STAT4: variants seen among roughly 807,000 people sequenced by gnomAD.
STAT4 encodes the protein signal transducer and activator of transcription 4.
STAT4 carries 42 observed loss-of-function variants against 110.5 expected under a neutral mutation model. That is an observed-to-expected ratio of 0.38 (90% confidence interval 0.30 to 0.49). The LOEUF (loss-of-function observed/expected upper bound fraction) is 0.49. STAT4 is among the 20% of genes least tolerant of loss of function. STAT4 has a pLI of 0.95. For synonymous variants in STAT4, 284 were observed against 302.2 expected, an observed-to-expected ratio of 0.94 and a Z score of 0.63; for missense variants, 632 against 887.9, an observed-to-expected ratio of 0.71 and a Z score of 3.66.
In STAT4 at chr2:191,135,237, G is replaced by A. The variant is rs181746426; in HGVS notation, c.273+11376C>T. ...AAGGAGACATTACAACTGACATCAC[G>A]AAAATATAAAAGATCATCAGAGACA... On this transcript the variant is annotated intron_variant, in intron 3 of 23. Coordinates refer to ENST00000392320, the MANE Select transcript of STAT4 (RefSeq NM_003151.4). The surrounding 1 kb of genome is among the most constrained non-coding windows in gnomAD (Gnocchi z 4.8). Among the ~76,000 whole-genome samples, 157 of 152,142 alleles carry A rather than the reference G, an allele frequency of 1.0e-3. No individual in the cohort carries two copies. Among genetic ancestry groups the A allele is most frequent in the African/African-American group, 3.4e-3 (141 of 41,524 alleles).
Position 191,086,606 on chromosome 2 carries a change from C to T in STAT4, c.274-10281G>A, listed in dbSNP as rs909643846. 6.6e-6 allele frequency among the ~76,000 whole-genome samples: 1 copy of T among 152,046 alleles called. No individual in the cohort carries two copies. Among genetic ancestry groups the T allele is most frequent in the African/African-American group, 2.4e-5 (1 of 41,396 alleles). ...GATTGGAAAGAGAAAAATTATGTTCCAAAAGAAACTGTAGTATACTTGTTA... is the reference window on the plus strand; with the variant it reads ...GATTGGAAAGAGAAAAATTATGTTCTAAAAGAAACTGTAGTATACTTGTTA... On this transcript the variant is annotated intron_variant, in intron 3 of 23. Coordinates refer to ENST00000392320, the MANE Select transcript of STAT4 (RefSeq NM_003151.4). The surrounding 1 kb of genome is among the most constrained non-coding windows in gnomAD (Gnocchi z 5.5).
rs1696812126 is a variant in STAT4, at chr2:191,060,282, A to C, written c.1034+1447T>G. ...GCATCTTAGACTTACTATATCATCT[A>C]TAGGAGTGTCTCAAGGAAAAGTAGA... On this transcript the variant is annotated intron_variant, in intron 10 of 23. Transcript: ENST00000392320. The surrounding 1 kb of genome is among the most constrained non-coding windows in gnomAD (Gnocchi z 4.5). Among the ~76,000 whole-genome samples the C allele has an allele frequency of 6.6e-6, 1 of 152,194 alleles. No individual in the cohort carries two copies. Among genetic ancestry groups the C allele is most frequent in the South Asian group, 2.1e-4 (1 of 4,836 alleles).
intron 3 of STAT4, among the ~76,000 whole-genome samples, chr2:191,139,608 A>G (rs1406447543): frequency 6.6e-6 from 1 of 152,214 alleles, no homozygotes; most frequent in Admixed American, 6.5e-5. Context: ...CATATATAAC[A>G]TGAACAAATG....
chr2:191,117,414 C>T lies in STAT4; in HGVS notation c.273+29199G>A, dbSNP rs1039968969. Among the ~76,000 whole-genome samples the T allele has an allele frequency of 1.3e-5, 2 of 152,188 alleles. No individual in the cohort carries two copies. The highest frequency in any genetic ancestry group is 1.9e-4 in the East Asian group (1 of 5,196). ...GCATGATTATCTTCCAGAACATCCT[C>T]GGGCATTTCTTCTTGTCCTAAAATA... is the stretch of plus-strand genomic sequence containing the variant. On this transcript the variant is annotated intron_variant, in intron 3 of 23. Coordinates refer to ENST00000392320, the MANE Select transcript of STAT4 (RefSeq NM_003151.4). The surrounding 1 kb of genome is among the most constrained non-coding windows in gnomAD (Gnocchi z 5.2).
chr2:191,069,971 C>T (rs73981223), intron 5 of STAT4, among the ~76,000 whole-genome samples, 200 bp from the exon 6 acceptor site: 233 of 152,310 alleles, frequency 1.5e-3, no homozygotes, highest in African/African-American at 5.4e-3. Flanking sequence ...ACTTGCCCTT[C>T]CAGCTATTCT....
rs73981215 is a variant in STAT4 at position 191,038,164 on chromosome 2, C to T, written c.1434+1035G>A. On this transcript the variant is annotated intron_variant, in intron 16 of 23. Transcript: ENST00000392320. ...GGAAGAAAGCTGAACATGTGTAGATCTAATGGGGATCAGCATTTAATCTCA... is the reference window on the plus strand; with the variant it reads ...GGAAGAAAGCTGAACATGTGTAGATTTAATGGGGATCAGCATTTAATCTCA... 2.0e-5 allele frequency among the ~76,000 whole-genome samples: 3 copies of T among 152,226 alleles called. No homozygotes were observed. In the East Asian group the frequency reaches 5.8e-4, roughly 29 times the overall value.
intron 1 of STAT4, among the ~76,000 whole-genome samples, chr2:191,149,048 A>C (rs541846259): frequency 1.3e-5 from 2 of 152,354 alleles, no homozygotes; most frequent in African/African-American, 4.8e-5. Flanking sequence ...AGCTGTAGAC[A>C]TATTTCCTAA....
In STAT4 at chr2:191,150,693, C is replaced by T. The variant is rs982403476; in HGVS notation, c.-2+254G>A. Among the ~76,000 whole-genome samples, 6 of 152,216 alleles carry T rather than the reference C, an allele frequency of 3.9e-5. No individual in the cohort carries two copies. Among genetic ancestry groups the T allele is most frequent in the Non-Finnish European group, 1.5e-5 (1 of 68,032 alleles). On this transcript the variant is annotated intron_variant, in intron 1 of 23. Coordinates refer to ENST00000392320, the MANE Select transcript of STAT4 (RefSeq NM_003151.4). This position sits in a 1 kb window ranked among gnomAD's most constrained non-coding sequence, Gnocchi z 6.4. ...ACACACCTCCGCAGCCGCCGCAGCTCCCCTGGCCCCCGCAGGGAGATTCGC... is the reference window on the plus strand; with the variant it reads ...ACACACCTCCGCAGCCGCCGCAGCTTCCCTGGCCCCCGCAGGGAGATTCGC...
chr2:191,106,132 T>C (rs1459611125), intron 3 of STAT4, among the ~76,000 whole-genome samples: 1 of 152,288 alleles, frequency 6.6e-6, no homozygotes, highest in Non-Finnish European at 1.5e-5. Flanking sequence ...ATTCCTTCTG[T>C]CTTAATTTTT....
In STAT4 at chr2:191,082,182, T is replaced by C. The variant is rs1371142560; in HGVS notation, c.274-5857A>G. Among the ~76,000 whole-genome samples the C allele has an allele frequency of 3.3e-5, 5 of 152,218 alleles. No homozygotes were observed. Among genetic ancestry groups the C allele is most frequent in the African/African-American group, 1.2e-4 (5 of 41,454 alleles). Reference sequence around the variant, plus strand: ...ACAACTTTATCTACTTGTGAGCATCTTCCTTTCTTACATCCTATAAAGGAT... The same window carrying C: ...ACAACTTTATCTACTTGTGAGCATCCTCCTTTCTTACATCCTATAAAGGAT... On this transcript the variant is annotated intron_variant, in intron 3 of 23. Coordinates refer to ENST00000392320, the MANE Select transcript of STAT4 (RefSeq NM_003151.4). The surrounding 1 kb of genome is among the most constrained non-coding windows in gnomAD (Gnocchi z 4.7).
Position 191,058,698 on chromosome 2 carries a change from T to C in STAT4, c.1094+12A>G. The C allele has an allele frequency of 6.4e-7, 1 of 1,551,854 alleles. No homozygotes were observed. The highest frequency in any genetic ancestry group is 8.8e-7 in the Non-Finnish European group (1 of 1,141,230). ...TTGGAATTGTAATTCAAAACGAAATTAGAAAACTTACTTGTCAATTGATGC... is the reference window on the plus strand; with the variant it reads ...TTGGAATTGTAATTCAAAACGAAATCAGAAAACTTACTTGTCAATTGATGC... On this transcript the variant is annotated intron_variant, in intron 11 of 23. Transcript: ENST00000392320. The surrounding 1 kb of genome is among the most constrained non-coding windows in gnomAD (Gnocchi z 4.3).
chr2:191,083,586 G>A lies in STAT4; in HGVS notation c.274-7261C>T, dbSNP rs995584901. On this transcript the variant is annotated intron_variant, in intron 3 of 23. Coordinates refer to ENST00000392320, the MANE Select transcript of STAT4 (RefSeq NM_003151.4). This position sits in a 1 kb window ranked among gnomAD's most constrained non-coding sequence, Gnocchi z 4.6. The stretch of plus-strand genomic sequence containing the variant: ...TCTCAAATGTAGATATTTATTCTTT[G>A]TGGTATCTCTGGGATATGAAGCATT... Among the ~76,000 whole-genome samples, 2 of 152,078 alleles carry A rather than the reference G, an allele frequency of 1.3e-5. No homozygotes were observed. The highest frequency in any genetic ancestry group is 4.8e-5 in the African/African-American group (2 of 41,386).
chr2:191,108,097 C>T (rs1004278971), intron 3 of STAT4, among the ~76,000 whole-genome samples: 59 of 151,978 alleles, frequency 3.9e-4, no homozygotes, highest in Non-Finnish European at 5.9e-5. Flanking sequence ...TCAAGACCAG[C>T]CAGGTCAACA....
chr2:191,130,051 TGA>T lies in STAT4; in HGVS notation c.273+16560_273+16561del, dbSNP rs1291364110. 5.4e-4 allele frequency among the ~76,000 whole-genome samples: 82 copies of T among 152,184 alleles called. 1 individual carries two copies. The highest frequency in any genetic ancestry group is 5.4e-3 in the Admixed American group (82 of 15,282). On this transcript the variant is annotated intron_variant, in intron 3 of 23. Coordinates refer to ENST00000392320, the MANE Select transcript of STAT4 (RefSeq NM_003151.4). ...TAATTTCATTTAGGAATTCCTTCCTTGAAGGTATCTTTGAGGTGAAGTTTCAA... is the reference window on the plus strand; with the variant it reads ...TAATTTCATTTAGGAATTCCTTCCTTAGGTATCTTTGAGGTGAAGTTTCAA...
intron 8 of STAT4, among the ~76,000 whole-genome samples, chr2:191,063,475 T>C (rs936953039): frequency 1.3e-5 from 2 of 152,186 alleles, no homozygotes; most frequent in Admixed American, 6.5e-5. Context: ...GATAACTGCT[T>C]GGAATTTTAT....
In STAT4 at chr2:191,104,187, G is replaced by T. The variant is rs575408116; in HGVS notation, c.274-27862C>A. Among the ~76,000 whole-genome samples, 7 of 152,222 alleles carry T rather than the reference G, an allele frequency of 4.6e-5. No homozygotes were observed. Among genetic ancestry groups the T allele is most frequent in the Admixed American group, 1.3e-4 (2 of 15,272 alleles). On this transcript the variant is annotated intron_variant, in intron 3 of 23. Transcript: ENST00000392320. The surrounding 1 kb of genome is among the most constrained non-coding windows in gnomAD (Gnocchi z 4.3). ...AGTATCAACAGTGGTTGCAAATCTG[G>T]ATGATAGAATTATGGATAAATATTT... is the stretch of plus-strand genomic sequence containing the variant.
At chr2:191,148,285 G>A (rs571934368) in intron 1 of STAT4, 81 bp from the exon 2 acceptor site, 4 of 1,508,720 alleles carry the variant, frequency 2.7e-6, no homozygotes, top group East Asian at 2.3e-5. Context: ...CTTAGAATTA[G>A]TCAATGTTAT....
At position 191,113,345 on chromosome 2, in the gene STAT4, T is replaced by C. The variant is rs1293140147; in HGVS notation, c.273+33268A>G. Among the ~76,000 whole-genome samples the C allele has an allele frequency of 6.6e-6, 1 of 152,240 alleles. No homozygotes were observed. The highest frequency in any genetic ancestry group is 1.5e-5 in the Non-Finnish European group (1 of 68,046). On this transcript the variant is annotated intron_variant, in intron 3 of 23. Coordinates refer to ENST00000392320, the MANE Select transcript of STAT4 (RefSeq NM_003151.4). This position sits in a 1 kb window ranked among gnomAD's most constrained non-coding sequence, Gnocchi z 4.8. The stretch of plus-strand genomic sequence containing the variant: ...GCATCTGAACTTGTCTCTTAGTACC[T>C]ATATTACAGTTGTTCCTTTGATCTT...
At position 191,031,062 on chromosome 2, in the gene STAT4, C is replaced by T. The variant is rs1479907147; in HGVS notation, c.2130G>A (p.Glu710=). ...GAAGAAGGTCTGATGGAGAATGTGG[C>T]TCTGTTGAATCACTTCGGCTTAAAG... ...PISTIRSDST[E]PHSPSDLLPM... is the part of the protein sequence containing the mutation. Residue 710 remains glutamate, a synonymous_variant, in exon 23 of 24, where the codon GAG becomes GAA. Transcript: ENST00000392320. This position sits in a 1 kb window ranked among gnomAD's most constrained non-coding sequence, Gnocchi z 4.8. 25 of 1,613,810 alleles carry T rather than the reference C, an allele frequency of 1.5e-5. No homozygotes were observed. The highest frequency in any genetic ancestry group is 1.9e-5 in the Non-Finnish European group (22 of 1,179,862).
Sources: gnomAD v4.1 joint callset for allele counts (sites outside exome capture counted in the v4.1 genomes callset) on GRCh38, gnomAD v4.1.1 for gene constraint, Gnocchi (gnomAD v3.1) non-coding constraint, MANE v1.5 for transcripts, NCBI Gene and HGNC (gene_info 2026-07-23, HGNC 2026-07-21) for gene names.